The following CNTN5 variants were observed in gnomAD, a reference collection of about 807,000 sequenced individuals.
CNTN5 encodes contactin 5, also known as contactin-5.
CNTN5 carries 77 observed loss-of-function variants against 129.1 expected under a neutral mutation model. The observed-to-expected ratio is 0.60, with a 90% CI of 0.50 to 0.72. The LOEUF (loss-of-function observed/expected upper bound fraction) is 0.72. Ranked by LOEUF, CNTN5 falls within the 30% of genes least tolerant of loss-of-function variation. The probability of loss-of-function intolerance (pLI) is 0.00; values close to 1 mark genes in which losing one functional copy is unlikely to be tolerated. For missense variants in CNTN5, 1,478 were observed against 1,328.8 expected (o/e 1.11, Z -1.75); for synonymous variants, 509 against 465.6 (o/e 1.09, Z -1.20).
At chr11:99,392,801 A>G (rs1188034381) in intron 2 of CNTN5, among the ~76,000 whole-genome samples, 1 of 151,938 alleles carries the variant, frequency 6.6e-6, no homozygotes, top group Non-Finnish European at 1.5e-5. Flanking sequence ...TAGTAAAGAA[A>G]GAATAAAGAC....
At chr11:100,091,330 T>C (rs757356502) in intron 13 of CNTN5, among the ~76,000 whole-genome samples, 5 of 151,862 alleles carry the variant, frequency 3.3e-5, no homozygotes, top group Non-Finnish European at 5.9e-5. Context: ...TTATTACCCC[T>C]ATCCTTGTTA....
intron 3 of CNTN5, among the ~76,000 whole-genome samples, chr11:99,812,525 T>C (rs1565558985): frequency 6.6e-6 from 1 of 152,170 alleles, no homozygotes; most frequent in Non-Finnish European, 1.5e-5. Context: ...CTGTTTTCTG[T>C]ATATTACTTT....
intron 3 of CNTN5, among the ~76,000 whole-genome samples, chr11:99,614,120 T>G (rs919300070): frequency 1.3e-5 from 2 of 152,242 alleles, no homozygotes; most frequent in Non-Finnish European, 2.9e-5. Context: ...GAATTTAGGC[T>G]AGGCAGCTTT....
intron 3 of CNTN5, among the ~76,000 whole-genome samples, chr11:99,791,885 C>A (rs1163232882): frequency 1.3e-5 from 2 of 152,014 alleles, no homozygotes; most frequent in East Asian, 3.9e-4. Context: ...TGGATTTTTG[C>A]TCTTGTTTTG....
chr11:100,057,476 C>T (rs1943284427), intron 9 of CNTN5, among the ~76,000 whole-genome samples: 1 of 151,638 alleles, frequency 6.6e-6, no homozygotes, highest in South Asian at 2.1e-4. Context: ...ATTTATCTCA[C>T]TTAATCTTCA....
At chr11:99,152,709 C>A (rs1591282018) in intron 1 of CNTN5, among the ~76,000 whole-genome samples, 1 of 152,154 alleles carries the variant, frequency 6.6e-6, no homozygotes, top group East Asian at 1.9e-4. Context: ...GTTATCATGC[C>A]AGACTTCATT....
At chr11:99,217,484 A>C (rs1171631298) in intron 1 of CNTN5, among the ~76,000 whole-genome samples, 1 of 152,198 alleles carries the variant, frequency 6.6e-6, no homozygotes, top group Non-Finnish European at 1.5e-5. Context: ...GTTGGTGAGG[A>C]TGTAAATTGG....
chr11:99,532,941 G>A (rs1947768430), intron 2 of CNTN5, among the ~76,000 whole-genome samples: 1 of 152,148 alleles, frequency 6.6e-6, no homozygotes, highest in African/African-American at 2.4e-5. Flanking sequence ...TACCAATTGG[G>A]GCTGGGCACG....
intron 6 of CNTN5, among the ~76,000 whole-genome samples, chr11:99,888,658 G>A (rs1416911532): frequency 6.6e-6 from 1 of 152,156 alleles, no homozygotes; most frequent in East Asian, 1.9e-4. Context: ...TCTTGGTAGT[G>A]AGCTGTCAGC....
chr11:100,139,390 A>G (rs1946621228), intron 13 of CNTN5, among the ~76,000 whole-genome samples: 1 of 152,202 alleles, frequency 6.6e-6, no homozygotes, highest in Non-Finnish European at 1.5e-5. Flanking sequence ...AGTCAAGAGC[A>G]GAAAGTATTT....
rs190726246 is a variant in CNTN5 at position 99,173,570 on chromosome 11, A to G, written c.-209-151776A>G. ...GGCAGGTTTCTGTTCATTGGGGCAG[A>G]CTGGGACTAAATACATAGTTATCTG... On this transcript the variant is annotated intron_variant, in intron 1 of 24. Transcript: ENST00000524871. 2.0e-4 allele frequency among the ~76,000 whole-genome samples: 30 copies of G among 152,288 alleles called. No individual in the cohort carries two copies. The East Asian group carries it at 5.0e-3, about 25-fold the overall frequency.
intron 3 of CNTN5, among the ~76,000 whole-genome samples, chr11:99,732,098 G>A (rs902062885): frequency 1.3e-5 from 2 of 152,162 alleles, no homozygotes; most frequent in African/African-American, 4.8e-5. Flanking sequence ...AATTCATCCA[G>A]CATTTGAGTT....
At chr11:99,795,438 T>C (rs559280755) in intron 3 of CNTN5, among the ~76,000 whole-genome samples, 28 of 152,332 alleles carry the variant, frequency 1.8e-4, no homozygotes, top group African/African-American at 6.0e-4. Flanking sequence ...CATTTCAGCC[T>C]GATTAAGAAT....
At chr11:100,323,631 C>T (rs996816293) in intron 21 of CNTN5, among the ~76,000 whole-genome samples, 3 of 128,006 alleles carry the variant, frequency 2.3e-5, no homozygotes, top group Non-Finnish European at 4.6e-5. Flanking sequence ...ATTTATATGT[C>T]CTCCTCCCCC....
At chr11:99,613,273 T>A (rs2135736820) in intron 3 of CNTN5, among the ~76,000 whole-genome samples, 1 of 152,274 alleles carries the variant, frequency 6.6e-6, no homozygotes, top group South Asian at 2.1e-4. Flanking sequence ...TCTGCCATGG[T>A]GAGTTAGCTC....
intron 2 of CNTN5, among the ~76,000 whole-genome samples, chr11:99,530,032 T>G (rs1468366739): frequency 2.6e-5 from 4 of 152,216 alleles, no homozygotes; most frequent in African/African-American, 7.2e-5. Context: ...ATTTTATTTT[T>G]CCATATTTTG....
intron 6 of CNTN5, among the ~76,000 whole-genome samples, chr11:99,914,455 T>C (rs1949737740): frequency 6.6e-6 from 1 of 152,280 alleles, no homozygotes; most frequent in East Asian, 1.9e-4. Flanking sequence ...ATGTGTATGT[T>C]GTATTATCTC....
chr11:99,731,004 A>T (rs1041624986), intron 3 of CNTN5, among the ~76,000 whole-genome samples: 1 of 152,196 alleles, frequency 6.6e-6, no homozygotes, highest in Non-Finnish European at 1.5e-5. Flanking sequence ...TCCATGAGAT[A>T]GCTTAGGTAG....
chr11:100,048,618 A>G (rs1942807437), intron 9 of CNTN5, among the ~76,000 whole-genome samples: 1 of 152,096 alleles, frequency 6.6e-6, no homozygotes, highest in Admixed American at 6.6e-5. Context: ...ACTGCAGAAG[A>G]AAAGATCAAT....
Sources: allele counts gnomAD v4.1 joint callset (sites outside exome capture counted in the v4.1 genomes callset), GRCh38; gene constraint gnomAD v4.1.1; transcripts MANE v1.5; gene names NCBI Gene and HGNC (gene_info 2026-07-23, HGNC 2026-07-21).